RBFOX3: variants seen among roughly 807,000 people sequenced by gnomAD.
RBFOX3 encodes RNA binding fox-1 homolog 3.
RBFOX3 carries 17 observed loss-of-function variants against 48.7 expected under a neutral mutation model. That is an observed-to-expected ratio of 0.35 (90% CI 0.24 to 0.52). RBFOX3 has a LOEUF of 0.52. Among genes scored for constraint, RBFOX3 ranks in the 20% least tolerant of loss-of-function variants. The pLI is 0.94. For missense variants in RBFOX3, 382 were observed against 497.5 expected, an observed-to-expected ratio of 0.77 and a Z score of 2.21; for synonymous variants, 212 against 209.5, an observed-to-expected ratio of 1.01 and a Z score of -0.10.
chr17:79,119,193 C>T (rs930970838), intron 4 of RBFOX3, among the ~76,000 whole-genome samples: 2 of 152,150 alleles, frequency 1.3e-5, no homozygotes, highest in African/African-American at 4.8e-5. Context: ...AACCCGCCAA[C>T]ATAAAGGGGG....
chr17:79,293,762 T>C (rs1005283710), intron 3 of RBFOX3, among the ~76,000 whole-genome samples: 4 of 152,220 alleles, frequency 2.6e-5, no homozygotes, highest in African/African-American at 4.8e-5. Flanking sequence ...TGAGCCATTC[T>C]TGCTTTAGAT....
chr17:79,201,091 T>G (rs2056680749), intron 4 of RBFOX3, among the ~76,000 whole-genome samples: 1 of 148,176 alleles, frequency 6.7e-6, no homozygotes, highest in African/African-American at 2.6e-5. Flanking sequence ...CATCACTTCT[T>G]AACAACAACA....
rs749666694 is a variant in RBFOX3, at chr17:79,311,001, T to C, written c.-174-3177A>G. ...AAGTGTGGCTAATGCCTAAAATGAA[T>C]TGATTTCAGCACAGGATATGGCCTT... On this transcript the variant is annotated intron_variant, in intron 2 of 14. Coordinates refer to ENST00000693108, the MANE Select transcript of RBFOX3 (RefSeq NM_001350451.2). This position sits in a 1 kb window ranked among gnomAD's most constrained non-coding sequence, Gnocchi z 4.2. Among the ~76,000 whole-genome samples the C allele has an allele frequency of 6.6e-6, 1 of 152,138 alleles. No individual in the cohort carries two copies. The highest frequency in any genetic ancestry group is 1.5e-5 in the Non-Finnish European group (1 of 68,022).
At chr17:79,188,459 CACTT>C (rs557250435) in intron 4 of RBFOX3, among the ~76,000 whole-genome samples, 192 of 152,378 alleles carry the variant, frequency 1.3e-3, no homozygotes, top group African/African-American at 3.8e-3. Flanking sequence ...CCATCCGTCT[CACTT>C]ACAACCATGT....
chr17:79,379,672 TGTG>T (rs751608039), intron 2 of RBFOX3, among the ~76,000 whole-genome samples: 94 of 152,276 alleles, frequency 6.2e-4, no homozygotes, highest in Non-Finnish European at 1.3e-3. Context: ...ACACTGCGCT[TGTG>T]GTGAGGGCCA....
chr17:79,417,399 C>T (rs1258467721), intron 2 of RBFOX3, among the ~76,000 whole-genome samples: 1 of 152,194 alleles, frequency 6.6e-6, no homozygotes, highest in Non-Finnish European at 1.5e-5. Context: ...ACAATCCCTT[C>T]CAGAGAGCAC....
At chr17:79,117,408 C>T (rs747342557) in intron 4 of RBFOX3, among the ~76,000 whole-genome samples, 2 of 152,214 alleles carry the variant, frequency 1.3e-5, no homozygotes, top group African/African-American at 4.8e-5. Flanking sequence ...CTCCACCCCA[C>T]GCTCCCATCA....
chr17:79,421,157 C>A lies in RBFOX3; in HGVS notation c.-175+61297G>T, dbSNP rs569018586. On this transcript the variant is annotated intron_variant, in intron 2 of 14. Transcript: ENST00000693108. This position sits in a 1 kb window ranked among gnomAD's most constrained non-coding sequence, Gnocchi z 4.5. ...ACCGTCCTGGCTTCACAGCAGAGGGCAGGATGCTCCGTGCCCTAACCTACA... is the reference window on the plus strand; with the variant it reads ...ACCGTCCTGGCTTCACAGCAGAGGGAAGGATGCTCCGTGCCCTAACCTACA... Among the ~76,000 whole-genome samples, 2 of 152,290 alleles carry A rather than the reference C, an allele frequency of 1.3e-5. No individual in the cohort carries two copies. The highest frequency in any genetic ancestry group is 2.1e-4 in the South Asian group (1 of 4,824).
intron 2 of RBFOX3, among the ~76,000 whole-genome samples, chr17:79,409,501 C>T (rs888980085): frequency 3.9e-5 from 6 of 152,370 alleles, no homozygotes; most frequent in South Asian, 2.1e-4. Flanking sequence ...CTCACCAACA[C>T]CTGCTATTTT....
intron 3 of RBFOX3, among the ~76,000 whole-genome samples, chr17:79,253,294 C>A (rs1046573564): frequency 7.2e-5 from 11 of 152,008 alleles, no homozygotes; most frequent in African/African-American, 2.4e-4. Context: ...GGGGAGGACT[C>A]GAATTAATTT....
chr17:79,276,028 T>C (rs542706425), intron 3 of RBFOX3, among the ~76,000 whole-genome samples: 3 of 152,288 alleles, frequency 2.0e-5, no homozygotes, highest in South Asian at 2.1e-4. Flanking sequence ...CACAATGGAA[T>C]TGTGCTCGGC....
At chr17:79,240,043 G>C (rs1207859440) in intron 3 of RBFOX3, among the ~76,000 whole-genome samples, 1 of 152,144 alleles carries the variant, frequency 6.6e-6, no homozygotes, top group Non-Finnish European at 1.5e-5. Context: ...TCCCTCCAAA[G>C]ACGAGTTCCT....
rs1399450037 is a variant in RBFOX3 at position 79,097,349 on chromosome 17, G to GCCCGGC, written c.692_697dup (p.Gly231_Arg232dup). On this transcript the variant is annotated inframe_insertion, in exon 11 of 15. Coordinates refer to ENST00000693108, the MANE Select transcript of RBFOX3 (RefSeq NM_001350451.2). ...CGCAGCCCGAAATGTATTATACACG[G>GCCCGGC]CCCGGCCCCGGCCCCGAAGATGTGC... 9.7e-6 allele frequency: 15 copies of GCCCGGC among 1,548,822 alleles called. No homozygotes were observed. The Admixed American group carries it at 9.8e-5, about 10-fold the overall frequency.
At chr17:79,605,017 C>T (rs1023274950) in intron 1 of RBFOX3, among the ~76,000 whole-genome samples, 5 of 152,150 alleles carry the variant, frequency 3.3e-5, no homozygotes, top group Admixed American at 3.3e-4. Context: ...CTGGGTCTCA[C>T]CTGGTGTCAT....
intron 2 of RBFOX3, among the ~76,000 whole-genome samples, chr17:79,355,915 G>A (rs2084898312): frequency 6.6e-6 from 1 of 152,154 alleles, no homozygotes; most frequent in Non-Finnish European, 1.5e-5. Flanking sequence ...TCTTGTAAGT[G>A]CAAGGAAAAT....
In RBFOX3 at chr17:79,137,504, G is replaced by A. The variant is rs112238272; in HGVS notation, c.-33-21756C>T. Among the ~76,000 whole-genome samples, 774 of 152,268 alleles carry A rather than the reference G, an allele frequency of 5.1e-3. 6 individuals are homozygous for A. The highest frequency in any genetic ancestry group is 0.018 in the African/African-American group (733 of 41,550). On this transcript the variant is annotated intron_variant, in intron 4 of 14. Coordinates refer to ENST00000693108, the MANE Select transcript of RBFOX3 (RefSeq NM_001350451.2). ...ACACGCGCCTGCAGTGATCGTGCAC[G>A]CAGCAGTGCACCTGCACACCTACAC...
intron 1 of RBFOX3, among the ~76,000 whole-genome samples, chr17:79,550,235 T>A (rs1262261878): frequency 1.3e-5 from 2 of 152,306 alleles, no homozygotes; most frequent in African/African-American, 4.8e-5. Context: ...CCCAGGGGCA[T>A]CACCCTCAAA....
intron 2 of RBFOX3, among the ~76,000 whole-genome samples, chr17:79,478,028 A>G (rs1858154403): frequency 6.6e-6 from 1 of 152,208 alleles, no homozygotes; most frequent in Non-Finnish European, 1.5e-5. Flanking sequence ...CGCTTCTGGT[A>G]TAACTAAATG....
chr17:79,641,024 A>G, the RBFOX3 span, among the ~76,000 whole-genome samples: 2 of 152,248 alleles, frequency 1.3e-5, no homozygotes, highest in South Asian at 2.1e-4. Context: ...GGAAAGCTAT[A>G]GAATGGGAGG....
Sources: gnomAD v4.1 joint callset for allele counts (sites outside exome capture counted in the v4.1 genomes callset) on GRCh38, gnomAD v4.1.1 for gene constraint, Gnocchi (gnomAD v3.1) non-coding constraint, MANE v1.5 for transcripts, NCBI Gene and HGNC (gene_info 2026-07-23, HGNC 2026-07-21) for gene names.